The following ZFAT variants were observed in gnomAD, a reference collection of about 807,000 sequenced individuals.
ZFAT encodes zinc finger protein ZFAT.
Under a neutral mutation model 117.7 loss-of-function variants are expected in ZFAT, and 64 were observed. That is an observed-to-expected ratio of 0.54 (90% confidence interval 0.44 to 0.67). ZFAT has a LOEUF of 0.67. ZFAT is among the 30% of genes least tolerant of loss of function. ZFAT has a pLI of 0.00. For synonymous variants in ZFAT, 679 were observed against 615.0 expected, an observed-to-expected ratio of 1.10 and a Z score of -1.54; for missense variants, 1,433 against 1,584.5, an observed-to-expected ratio of 0.90 and a Z score of 1.62.
the ZFAT span, among the ~76,000 whole-genome samples, chr8:134,775,008 C>T: frequency 2.0e-5 from 3 of 152,232 alleles, no homozygotes; most frequent in African/African-American, 4.8e-5. Context: ...GTCCCAGCTA[C>T]TCGGGAGGCT....
At chr8:134,525,068 C>T (rs1391217102) in intron 12 of ZFAT, among the ~76,000 whole-genome samples, 1 of 152,198 alleles carries the variant, frequency 6.6e-6, no homozygotes, top group Admixed American at 6.5e-5. Context: ...CATCCTTAAC[C>T]CCAGCCTTTG....
the ZFAT span, among the ~76,000 whole-genome samples, chr8:134,820,497 T>C: frequency 6.6e-6 from 1 of 152,220 alleles, no homozygotes; most frequent in East Asian, 1.9e-4. Context: ...ATGTCCAAAA[T>C]CATGGTGCCT....
intron 1 of ZFAT, among the ~76,000 whole-genome samples, chr8:134,697,563 T>G (rs1053210330): frequency 6.7e-6 from 1 of 149,962 alleles, no homozygotes; most frequent in African/African-American, 2.4e-5. Context: ...CCGTCTCTAC[T>G]AAAAATACAA....
chr8:134,780,535 C>T, the ZFAT span, among the ~76,000 whole-genome samples: 1 of 152,166 alleles, frequency 6.6e-6, no homozygotes, highest in Non-Finnish European at 1.5e-5. Flanking sequence ...CACTTGGATC[C>T]TAGTTTTCTT....
At chr8:134,550,316 A>AAAAAAAAAAAC (rs1823045889) in intron 11 of ZFAT, among the ~76,000 whole-genome samples, 1 of 147,368 alleles carries the variant, frequency 6.8e-6, no homozygotes, top group Non-Finnish European at 1.5e-5. Flanking sequence ...AACGGAAAAA[A>AAAAAAAAAAAC]AAAAAAAAAA....
At chr8:134,692,683 C>A (rs1336788764) in intron 1 of ZFAT, among the ~76,000 whole-genome samples, 1 of 152,162 alleles carries the variant, frequency 6.6e-6, no homozygotes, top group Non-Finnish European at 1.5e-5. Context: ...AAATGAATAA[C>A]CATAATTGCA....
Position 134,588,380 on chromosome 8 carries a change from G to T in ZFAT, c.2579C>A (p.Thr860Asn). ...CCTCCTCCCGAGAACCTCAGAAATG[G>T]TGCTCATGGAGACCTCTAGAAGAAA... is the stretch of plus-strand genomic sequence containing the variant. ...KTNHPEVSMS[T>N]ISEVLGRRVQ... is the part of the protein sequence containing the mutation. The change falls in exon 9 of 16, where the codon ACC (threonine) becomes AAC (asparagine). Residue 860 changes from threonine to asparagine, a missense_variant. Thr to Asn is a moderately conservative substitution (Grantham distance 65, BLOSUM62 0). Around this residue, in one of 5 missense-constraint regions of ZFAT, gnomAD observed 503 missense variants for 543.4 expected, o/e 0.93. Transcript: ENST00000377838. 2 of 1,588,910 alleles carry T rather than the reference G, an allele frequency of 1.3e-6. No homozygotes were observed. Among genetic ancestry groups the T allele is most frequent in the Non-Finnish European group, 8.6e-7 (1 of 1,167,550 alleles).
At chr8:134,645,271 G>T (rs1830816042) in intron 2 of ZFAT, among the ~76,000 whole-genome samples, 1 of 152,178 alleles carries the variant, frequency 6.6e-6, no homozygotes. Flanking sequence ...AATTTAAAAT[G>T]AATTGTGAAG....
At position 134,661,865 on chromosome 8, in the gene ZFAT, C is replaced by T. The variant is rs111300143; in HGVS notation, c.20-4128G>A. The stretch of plus-strand genomic sequence containing the variant: ...GCAGATGCCTACTAGGAGCAGGCAG[C>T]GCAAGACGGGGTGGGGTTCAGCTAC... On this transcript the variant is annotated intron_variant, in intron 1 of 15. Transcript: ENST00000377838. Among the ~76,000 whole-genome samples, 72 of 152,188 alleles carry T rather than the reference C, an allele frequency of 4.7e-4. 1 individual carries two copies. The highest frequency in any genetic ancestry group is 1.6e-3 in the African/African-American group (67 of 41,540).
chr8:134,645,056 G>C (rs1167649007), intron 2 of ZFAT, among the ~76,000 whole-genome samples: 3 of 152,092 alleles, frequency 2.0e-5, no homozygotes, highest in Non-Finnish European at 4.4e-5. Flanking sequence ...ATTTCTTCTT[G>C]GATCACAGCC....
chr8:134,650,809 G>A (rs937077453), intron 2 of ZFAT, among the ~76,000 whole-genome samples: 2 of 152,204 alleles, frequency 1.3e-5, no homozygotes, highest in Non-Finnish European at 2.9e-5. Flanking sequence ...AATGGGAAAA[G>A]AACAGTCTTG....
chr8:134,726,669 A>G, the ZFAT span, among the ~76,000 whole-genome samples: 2 of 152,138 alleles, frequency 1.3e-5, no homozygotes, highest in African/African-American at 4.8e-5. Context: ...ATCTCAGCTC[A>G]CTGCAACCTC....
the ZFAT span, among the ~76,000 whole-genome samples, chr8:134,831,454 G>A: frequency 6.6e-6 from 1 of 152,138 alleles, no homozygotes; most frequent in African/African-American, 2.4e-5. Context: ...GCTACACACA[G>A]GCGGATTCGT....
chr8:134,488,877 C>T (rs986684484), intron 15 of ZFAT, among the ~76,000 whole-genome samples: 3 of 151,128 alleles, frequency 2.0e-5, no homozygotes, highest in South Asian at 2.1e-4. Context: ...GGAAAAGCAC[C>T]GGGCAGAGCA....
Position 134,592,194 on chromosome 8 carries a change from C to T in ZFAT, c.2476-1839G>A, listed in dbSNP as rs138215625. On this transcript the variant is annotated intron_variant, in intron 7 of 15. Transcript: ENST00000377838. ...TCCCCAAGGCACCAAGTGTGTTCCA[C>T]GCCTTGTGTGATGAATGCTCTCCTC... Among the ~76,000 whole-genome samples, 80 of 152,316 alleles carry T rather than the reference C, an allele frequency of 5.3e-4. 1 individual carries two copies. In the East Asian group the frequency reaches 0.012, roughly 24 times the overall value.
the ZFAT span, among the ~76,000 whole-genome samples, chr8:134,763,902 A>G: frequency 2.0e-5 from 3 of 152,314 alleles, no homozygotes; most frequent in East Asian, 1.9e-4. Context: ...ACTTGGCCCA[A>G]GAGTTAGAAA....
At chr8:134,568,808 G>T (rs540077565) in intron 10 of ZFAT, among the ~76,000 whole-genome samples, 43 of 152,206 alleles carry the variant, frequency 2.8e-4, no homozygotes, top group Non-Finnish European at 6.2e-4. Flanking sequence ...ATAATTATTT[G>T]CTGCCTAATT....
chr8:134,709,290 G>A (rs1331687158), intron 1 of ZFAT, among the ~76,000 whole-genome samples: 1 of 152,214 alleles, frequency 6.6e-6, no homozygotes, highest in East Asian at 1.9e-4. Flanking sequence ...TGGGAAGTCT[G>A]GTTCTGGGAA....
At chr8:134,791,375 A>G in the ZFAT span, among the ~76,000 whole-genome samples, 8 of 152,038 alleles carry the variant, frequency 5.3e-5, no homozygotes, top group African/African-American at 1.9e-4. Context: ...GTCAGGCCAT[A>G]TCTCTTGCTG....
Sources: gnomAD v4.1 joint callset for allele counts (sites outside exome capture counted in the v4.1 genomes callset) on GRCh38, gnomAD v4.1.1 for gene constraint, gnomAD v4.1.1 regional missense constraint, MANE v1.5 for transcripts, NCBI Gene and HGNC (gene_info 2026-07-23, HGNC 2026-07-21) for gene names.